The following CAPN7 variants were observed in gnomAD, a reference collection of about 807,000 sequenced individuals.
The protein encoded by CAPN7 is calpain 7.
A neutral mutation model predicts 115.2 loss-of-function variants in CAPN7; 72 were observed. The ratio of observed to expected loss-of-function variants is 0.63; its 90% CI spans 0.52 to 0.76. The LOEUF (loss-of-function observed/expected upper bound fraction) is 0.76, where lower values mean the gene tolerates loss of function less well. CAPN7 is among the 30% of genes least tolerant of loss of function. The pLI is 0.00. For missense variants in CAPN7, 905 were observed against 971.5 expected (o/e 0.93, Z 0.91); for synonymous variants, 344 against 322.3 (o/e 1.07, Z -0.72).
chr3:15,232,717 CTG>C (rs1694765060), intron 10 of CAPN7, 52 bp downstream of exon 10: 3 of 1,460,760 alleles, frequency 2.1e-6, no homozygotes, highest in Non-Finnish European at 2.7e-6. Flanking sequence ...TCTAATATAA[CTG>C]TTTTAAATTT....
At position 15,235,185 on chromosome 3, in the gene CAPN7, A is replaced by G. The variant is rs1559403695; in HGVS notation, c.1407+40A>G. ...CTTTTTCTTTTATTTTTCTTGTTGG[A>G]TAAGACATTTCAGGGATCCCAGATA... On this transcript the variant is annotated intron_variant, in intron 12 of 20. Transcript: ENST00000253693. 5 of 1,541,224 alleles carry G rather than the reference A, an allele frequency of 3.2e-6. No homozygotes were observed. In the African/African-American group the frequency reaches 4.2e-5, roughly 13 times the overall value.
At chr3:15,229,577 T>C (rs1038581546) in intron 8 of CAPN7, among the ~76,000 whole-genome samples, 3 of 141,238 alleles carry the variant, frequency 2.1e-5, no homozygotes, top group African/African-American at 8.0e-5. Flanking sequence ...TTTTTTTTTT[T>C]TTTTTTTTTT....
intron 16 of CAPN7, among the ~76,000 whole-genome samples, chr3:15,242,944 T>C (rs544480279): frequency 4.6e-5 from 7 of 152,340 alleles, no homozygotes; most frequent in African/African-American, 1.7e-4. Context: ...GGATTCTGCT[T>C]TCATAGAGTT....
intron 12 of CAPN7, among the ~76,000 whole-genome samples, chr3:15,239,575 G>A (rs1695218566): frequency 6.6e-6 from 1 of 152,148 alleles, no homozygotes; most frequent in South Asian, 2.1e-4. Context: ...TATAAGATAG[G>A]ATACTATTTG....
chr3:15,241,612 T>C (rs1695354588), intron 15 of CAPN7, 24 bp downstream of exon 15: 5 of 1,596,736 alleles, frequency 3.1e-6, no homozygotes, highest in East Asian at 2.2e-5. Context: ...TCTAATGATA[T>C]CCCATACAGA....
At chr3:15,232,487 C>T (rs1280689582) in intron 9 of CAPN7, 32 bp from the exon 10 acceptor site, 1 of 1,539,156 alleles carries the variant, frequency 6.5e-7, no homozygotes. Flanking sequence ...ATATTTTGTG[C>T]ACCTAAGAAG....
At position 15,230,471 on chromosome 3, in the gene CAPN7, A is replaced by G. The variant is rs765908041; in HGVS notation, c.968A>G (p.Glu323Gly). 1.3e-5 allele frequency: 21 copies of G among 1,612,904 alleles called. No homozygotes were observed. In the South Asian group the frequency reaches 2.2e-4, roughly 17 times the overall value. Residue 323 changes from glutamate to glycine, a missense_variant, in exon 9 of 21, where the codon GAA (glutamate) becomes GGA (glycine). Glu to Gly is a moderately conservative substitution (Grantham distance 98). Transcript: ENST00000253693. ...GIIYPQNKDG[E>G]PEYNPCGKYM... The stretch of plus-strand genomic sequence containing the variant: ...ATTTACCCTCAAAACAAGGATGGTG[A>G]ACCAGAATACAATCCATGTGGGAAG...
rs1695996470 is a variant in CAPN7, at chr3:15,251,328, C to T, written c.*68C>T. The T allele has an allele frequency of 1.6e-6, 2 of 1,267,072 alleles. No homozygotes were observed. Among genetic ancestry groups the T allele is most frequent in the Non-Finnish European group, 2.2e-6 (2 of 908,236 alleles). 78.5% of individuals were successfully genotyped at this position (1,267,072 alleles called of 1,614,324 possible). ...CAGTTCTTCAAATAAGGACGCAAAT[C>T]TTCAGGACAGTAAGCAGAACAATCA... On this transcript the variant is annotated 3_prime_UTR_variant, in exon 21 of 21. Coordinates refer to ENST00000253693, the MANE Select transcript of CAPN7 (RefSeq NM_014296.3).
chr3:15,226,471 T>A (rs1694323387), intron 6 of CAPN7, among the ~76,000 whole-genome samples: 1 of 152,198 alleles, frequency 6.6e-6, no homozygotes, highest in African/African-American at 2.4e-5. Context: ...GAATCTTGGA[T>A]TTATGCTGAA....
At chr3:15,250,850 T>A (rs1399297216) in intron 19 of CAPN7, 81 bp from the exon 20 acceptor site, 4 of 960,700 alleles carry the variant, frequency 4.2e-6, no homozygotes, top group Non-Finnish European at 6.6e-6. Flanking sequence ...TAGTATGACA[T>A]CTGCACTTCA....
chr3:15,229,128 C>T, intron 8 of CAPN7, 69 bp downstream of exon 8: 1 of 1,124,690 alleles, frequency 8.9e-7, no homozygotes, highest in Non-Finnish European at 1.3e-6. Flanking sequence ...AAACTTAAGC[C>T]TTATCTGTAT....
At chr3:15,239,510 C>T (rs1349569466) in intron 12 of CAPN7, among the ~76,000 whole-genome samples, 1 of 152,096 alleles carries the variant, frequency 6.6e-6, no homozygotes, top group Non-Finnish European at 1.5e-5. Context: ...GTTACCATTT[C>T]AAGGAGTTGA....
rs989740565 is a variant in CAPN7, at chr3:15,249,022, A to C, written c.2204+1565A>C. Among the ~76,000 whole-genome samples the C allele has an allele frequency of 2.6e-4, 38 of 148,026 alleles. 1 individual carries two copies. Among genetic ancestry groups the C allele is most frequent in the African/African-American group, 8.7e-4 (34 of 38,976 alleles). ...TACAACAACCAAAAAAAAAAAAAAA[A>C]AACAAAAACAGAATACAAATAAAAA... is the stretch of plus-strand genomic sequence containing the variant. On this transcript the variant is annotated intron_variant, in intron 19 of 20. Coordinates refer to ENST00000253693, the MANE Select transcript of CAPN7 (RefSeq NM_014296.3).
chr3:15,232,912 G>T (rs982223607), intron 10 of CAPN7, among the ~76,000 whole-genome samples: 2 of 152,148 alleles, frequency 1.3e-5, no homozygotes, highest in African/African-American at 4.8e-5. Flanking sequence ...TACATTTCCA[G>T]AGCAGTCTGT....
Position 15,251,397 on chromosome 3 carries a change from T to G in CAPN7, c.*137T>G. On this transcript the variant is annotated 3_prime_UTR_variant, in exon 21 of 21. Transcript: ENST00000253693. ...AAAAACGTGTTACAGTGGAATCTGG[T>G]GCTTGTCAGGGTGTTTGGTAAGAAC... 1.4e-6 allele frequency: 1 copy of G among 725,358 alleles called. No individual in the cohort carries two copies. The highest frequency in any genetic ancestry group is 4.0e-4 in the Middle Eastern group (1 of 2,500). 44.9% of individuals were successfully genotyped at this position (725,358 alleles called of 1,614,324 possible). A position where few individuals can be genotyped will look rare whatever the true frequency, so the allele number is the denominator to read the frequency against.
intron 4 of CAPN7, among the ~76,000 whole-genome samples, chr3:15,219,731 A>G (rs1693852174): frequency 6.6e-6 from 1 of 152,212 alleles, no homozygotes; most frequent in Non-Finnish European, 1.5e-5. Flanking sequence ...AAGCTCATAT[A>G]TGCACCTCAG....
intron 9 of CAPN7, among the ~76,000 whole-genome samples, chr3:15,231,473 T>C (rs1694682568): frequency 6.6e-6 from 1 of 152,180 alleles, no homozygotes; most frequent in South Asian, 2.1e-4. Context: ...TTTAAAGATG[T>C]ATGGCATAAT....
At chr3:15,242,022 A>G (rs1212995497) in intron 15 of CAPN7, among the ~76,000 whole-genome samples, 156 bp from the exon 16 acceptor site, 2 of 152,236 alleles carry the variant, frequency 1.3e-5, no homozygotes, top group African/African-American at 2.4e-5. Context: ...CAGAAAAACA[A>G]TGTTTCTTAT....
At chr3:15,230,067 T>G (rs564687583) in intron 8 of CAPN7, among the ~76,000 whole-genome samples, 4 of 152,332 alleles carry the variant, frequency 2.6e-5, no homozygotes, top group African/African-American at 9.6e-5. Flanking sequence ...TATGTCAAAG[T>G]TGTATCTACT....
Sources: gnomAD v4.1 joint callset for allele counts (sites outside exome capture counted in the v4.1 genomes callset) on GRCh38, gnomAD v4.1.1 for gene constraint, MANE v1.5 for transcripts, NCBI Gene and HGNC (gene_info 2026-07-23, HGNC 2026-07-21) for gene names.